RIMS1: variants seen among roughly 807,000 people sequenced by gnomAD.
RIMS1 encodes regulating synaptic membrane exocytosis 1.
A neutral mutation model predicts 214.1 loss-of-function variants in RIMS1; 83 were observed. That is an observed-to-expected ratio of 0.39 (90% confidence interval 0.32 to 0.47). The LOEUF (loss-of-function observed/expected upper bound fraction) is 0.47, where lower values mean the gene tolerates loss of function less well. RIMS1 is among the 20% of genes least tolerant of loss of function. The pLI, the probability that RIMS1 is intolerant of heterozygous loss-of-function variation, is 0.99. For synonymous variants in RIMS1, 793 were observed against 786.8 expected (o/e 1.01, Z -0.13); for missense variants, 2,050 against 2,161.8 (o/e 0.95, Z 1.03).
At chr6:72,167,969 A>T (rs1358741887) in intron 4 of RIMS1, among the ~76,000 whole-genome samples, 1 of 149,868 alleles carries the variant, frequency 6.7e-6, no homozygotes, top group Non-Finnish European at 1.5e-5. Context: ...TCTTTATGTG[A>T]TTTTTGGCAA....
At chr6:72,266,170 C>G in intron 22 of RIMS1, 121 bp downstream of exon 22, 1 of 748,196 alleles carries the variant, frequency 1.3e-6, no homozygotes, top group Non-Finnish European at 2.3e-6. Flanking sequence ...TGCTAACTGT[C>G]TACATTTCCC....
At chr6:72,199,999 C>T (rs930934093) in intron 6 of RIMS1, among the ~76,000 whole-genome samples, 39 of 152,048 alleles carry the variant, frequency 2.6e-4, no homozygotes, top group Admixed American at 6.6e-4. Flanking sequence ...GCATGGGAAG[C>T]TCTTATTTAT....
chr6:72,177,648 A>G (rs1458932635), intron 4 of RIMS1, among the ~76,000 whole-genome samples: 2 of 152,200 alleles, frequency 1.3e-5, no homozygotes, highest in Non-Finnish European at 2.9e-5. Flanking sequence ...AATAGTCAAA[A>G]TTTCATACCA....
chr6:71,945,268 TG>T (rs1327587212), intron 1 of RIMS1, among the ~76,000 whole-genome samples: 2 of 151,864 alleles, frequency 1.3e-5, no homozygotes, highest in Non-Finnish European at 1.5e-5. Flanking sequence ...AAGACAGCTA[TG>T]GGGAAAAAAA....
At chr6:72,001,156 C>G (rs1157358139) in intron 2 of RIMS1, among the ~76,000 whole-genome samples, 1 of 152,154 alleles carries the variant, frequency 6.6e-6, no homozygotes, top group Admixed American at 6.6e-5. Context: ...ATCTCCTTAG[C>G]ATACTATATA....
intron 4 of RIMS1, among the ~76,000 whole-genome samples, chr6:72,169,729 G>T (rs1029452483): frequency 1.3e-5 from 2 of 152,134 alleles, no homozygotes; most frequent in East Asian, 1.9e-4. Context: ...CATGGTGAAA[G>T]CCTGTCTCTA....
chr6:72,228,704 C>T (rs2061033542), intron 6 of RIMS1, among the ~76,000 whole-genome samples: 1 of 151,842 alleles, frequency 6.6e-6, no homozygotes, highest in African/African-American at 2.4e-5. Flanking sequence ...TATGGTAGTT[C>T]TATTTTTAAT....
chr6:71,915,190 T>C (rs1220372224), intron 1 of RIMS1, among the ~76,000 whole-genome samples: 2 of 152,142 alleles, frequency 1.3e-5, no homozygotes, highest in Non-Finnish European at 2.9e-5. Flanking sequence ...TTGACAACTT[T>C]TCTATTTACA....
intron 2 of RIMS1, among the ~76,000 whole-genome samples, chr6:72,058,170 AG>A (rs1256918192): frequency 6.6e-6 from 1 of 152,242 alleles, no homozygotes; most frequent in African/African-American, 2.4e-5. Context: ...TATAGAGAAA[AG>A]ACTTCACAGC....
chr6:72,394,781 A>G (rs1195574337), intron 31 of RIMS1, among the ~76,000 whole-genome samples: 1 of 152,082 alleles, frequency 6.6e-6, no homozygotes, highest in Non-Finnish European at 1.5e-5. Flanking sequence ...TCTAAAACAG[A>G]ATTATAAAAC....
chr6:72,284,377 G>T (rs1354956059), intron 24 of RIMS1, among the ~76,000 whole-genome samples: 2 of 152,032 alleles, frequency 1.3e-5, no homozygotes, highest in Non-Finnish European at 2.9e-5. Context: ...TACTAATAAG[G>T]ATTAAATCCA....
At chr6:72,184,914 G>A (rs1181963874) in intron 6 of RIMS1, among the ~76,000 whole-genome samples, 2 of 152,160 alleles carry the variant, frequency 1.3e-5, no homozygotes, top group Non-Finnish European at 2.9e-5. Context: ...CCCCCTGAGT[G>A]TTGAAGGGAA....
intron 26 of RIMS1, among the ~76,000 whole-genome samples, chr6:72,302,904 G>A (rs1194175961): frequency 6.6e-6 from 1 of 150,554 alleles, no homozygotes. Context: ...ATATTAGGAG[G>A]TTTAACAATA....
intron 26 of RIMS1, among the ~76,000 whole-genome samples, chr6:72,299,124 C>G (rs999293159): frequency 1.3e-5 from 2 of 151,610 alleles, no homozygotes; most frequent in Non-Finnish European, 2.9e-5. Flanking sequence ...TTGGGGGCAT[C>G]GAAATAATGA....
At chr6:72,260,996 T>C in intron 19 of RIMS1, 1 of 1,315,472 alleles carries the variant, frequency 7.6e-7, no homozygotes, top group South Asian at 1.5e-5. Context: ...ATCCAGAGAC[T>C]AGTGGGCCTC....
chr6:72,132,225 T>A (rs1260096800), intron 4 of RIMS1, among the ~76,000 whole-genome samples: 2 of 152,158 alleles, frequency 1.3e-5, no homozygotes, highest in Non-Finnish European at 2.9e-5. Context: ...GGGGAAGTGA[T>A]AAGTGTCCAT....
At chr6:72,324,061 T>C (rs537444582) in intron 28 of RIMS1, among the ~76,000 whole-genome samples, 1 of 151,774 alleles carries the variant, frequency 6.6e-6, no homozygotes, top group East Asian at 1.9e-4. Flanking sequence ...GATAGATAGA[T>C]AGATAGATAG....
At chr6:72,092,681 G>A in intron 2 of RIMS1, among the ~76,000 whole-genome samples, 1 of 152,296 alleles carries the variant, frequency 6.6e-6, no homozygotes, top group African/African-American at 2.4e-5. Context: ...TGGAGTGATG[G>A]CTGTGTGAAT....
At chr6:71,949,002 G>A (rs1183978753) in intron 1 of RIMS1, among the ~76,000 whole-genome samples, 1 of 152,232 alleles carries the variant, frequency 6.6e-6, no homozygotes. Flanking sequence ...GGGACAATTA[G>A]CAGGGCTTCA....
Sources: allele counts gnomAD v4.1 joint callset (sites outside exome capture counted in the v4.1 genomes callset), GRCh38; gene constraint gnomAD v4.1.1; transcripts MANE v1.5; gene names NCBI Gene and HGNC (gene_info 2026-07-23, HGNC 2026-07-21).